The following FBXO36 variants were observed in gnomAD, a reference collection of about 807,000 sequenced individuals.
The protein encoded by FBXO36 is F-box only protein 36.
In FBXO36, 18 loss-of-function variants were observed where a neutral mutation model predicts 17.0. That is an observed-to-expected ratio of 1.06 (90% confidence interval 0.73 to 1.57). FBXO36 has a LOEUF of 1.57. Among genes scored for constraint, FBXO36 ranks in the 40% most tolerant of loss-of-function variants. The pLI is 0.00. For synonymous variants in FBXO36, 83 were observed against 85.3 expected (o/e 0.97, Z 0.15); for missense variants, 229 against 221.9 (o/e 1.03, Z -0.20).
intron 1 of FBXO36, among the ~76,000 whole-genome samples, chr2:229,951,419 T>G (rs1373495756): frequency 6.6e-6 from 1 of 152,052 alleles, no homozygotes; most frequent in African/African-American, 2.4e-5. Context: ...AAGTTTTGTA[T>G]TTTTAGTAGA....
chr2:229,998,265 A>G (rs563275787), intron 3 of FBXO36, among the ~76,000 whole-genome samples: 60 of 152,248 alleles, frequency 3.9e-4, no homozygotes, highest in Non-Finnish European at 7.5e-4. Flanking sequence ...TGAGCCTAGG[A>G]ATTTGAGATC....
In FBXO36 at chr2:229,922,509, C is replaced by G; in HGVS notation, c.-5C>G. Reference sequence around the variant, plus strand: ...TTGTCTTAGCGACGGCGGTGGCGTCCCAAGATGGCGTCGTGGCTGCCGGAG... The same window carrying G: ...TTGTCTTAGCGACGGCGGTGGCGTCGCAAGATGGCGTCGTGGCTGCCGGAG... On this transcript the variant is annotated 5_prime_UTR_variant, in exon 1 of 4. Coordinates refer to ENST00000283946, the MANE Select transcript of FBXO36 (RefSeq NM_174899.5). 2 of 1,613,968 alleles carry G rather than the reference C, an allele frequency of 1.2e-6. No individual in the cohort carries two copies. Among genetic ancestry groups the G allele is most frequent in the Non-Finnish European group, 1.7e-6 (2 of 1,179,950 alleles).
Position 230,010,960 on chromosome 2 carries a change from T to A in FBXO36, c.*76T>A. On this transcript the variant is annotated 3_prime_UTR_variant, in exon 4 of 4. Transcript: ENST00000283946. ...CAGTGTCCAAATCTCTTCTGTCTCC[T>A]TTTCTTAAGAACTAAGAGGTTTTGT... 7.0e-7 allele frequency: 1 copy of A among 1,418,582 alleles called. No individual in the cohort carries two copies. The highest frequency in any genetic ancestry group is 1.4e-5 in the African/African-American group (1 of 69,474). The allele number at this position is 1,418,582 out of a possible 1,614,324, so 87.9% of individuals were successfully genotyped here.
rs755336934 is a variant in FBXO36 at position 229,996,822 on chromosome 2, T to A, written c.277T>A (p.Phe93Ile). The A allele has an allele frequency of 6.2e-7, 1 of 1,614,024 alleles. No homozygotes were observed. The highest frequency in any genetic ancestry group is 1.1e-5 in the South Asian group (1 of 91,060). The change falls in exon 3 of 4, where the codon TTC (phenylalanine) becomes ATC (isoleucine). Residue 93 changes from phenylalanine (F) to isoleucine (I), a missense_variant. Coordinates refer to ENST00000283946, the MANE Select transcript of FBXO36 (RefSeq NM_174899.5). ...VINLCKGKFD[F>I]LERLSDDLLL... ...CAATTTGTGCAAAGGTAAATTTGAC[T>A]TCCTTGAACGGCTCTCAGACGATTT...
intron 1 of FBXO36, among the ~76,000 whole-genome samples, chr2:229,966,298 G>C (rs2077152450): frequency 6.6e-6 from 1 of 152,126 alleles, no homozygotes; most frequent in Non-Finnish European, 1.5e-5. Context: ...CAGATGAGTA[G>C]ATTGCAAAAA....
In FBXO36 at chr2:230,011,598, C is replaced by CTTTTTTTTTTTTTTTTTT. The variant is rs5839351; in HGVS notation, c.*731_*732insTTTTTTTTTTTTTTTTTT. ...AACCTATAAACATTTCTTTTCTTTT[C>CTTTTTTTTTTTTTTTTTT]TTTTTTTTTTTTTTTTTGTATTTTC... On this transcript the variant is annotated 3_prime_UTR_variant, in exon 4 of 4. Coordinates refer to ENST00000283946, the MANE Select transcript of FBXO36 (RefSeq NM_174899.5). The CTTTTTTTTTTTTTTTTTT allele has an allele frequency of 7.1e-4, 88 of 123,404 alleles. No individual in the cohort carries two copies. The highest frequency in any genetic ancestry group is 1.2e-3 in the African/African-American group (40 of 32,222). The allele number at this position is 123,404 out of a possible 1,614,324, so 7.6% of individuals were successfully genotyped here. A position where few individuals can be genotyped will look rare whatever the true frequency, so the allele number is the denominator to read the frequency against.
intron 1 of FBXO36, among the ~76,000 whole-genome samples, chr2:229,974,429 G>A (rs2077197133): frequency 6.6e-6 from 1 of 152,176 alleles, no homozygotes. Flanking sequence ...GGCCATTGTG[G>A]CAAGCACTGC....
chr2:229,997,559 C>A (rs1211123888), intron 3 of FBXO36, among the ~76,000 whole-genome samples: 2 of 145,856 alleles, frequency 1.4e-5, no homozygotes, highest in East Asian at 4.0e-4. Context: ...GCCTGGGTGA[C>A]AGAGCGAGAC....
rs1221151067 is a variant in FBXO36, at chr2:229,976,507, G to A, written c.205+158G>A. 5 of 589,410 alleles carry A rather than the reference G, an allele frequency of 8.5e-6. No homozygotes were observed. In the African/African-American group the frequency reaches 9.5e-5, roughly 11 times the overall value. 36.5% of individuals were successfully genotyped at this position (589,410 alleles called of 1,614,324 possible). A position where few individuals can be genotyped will look rare whatever the true frequency, so the allele number is the denominator to read the frequency against. On this transcript the variant is annotated intron_variant, in intron 2 of 3. Coordinates refer to ENST00000283946, the MANE Select transcript of FBXO36 (RefSeq NM_174899.5). ...GATTCTTAAAAACTAGAAAACTGTTGTTTTTTTCTCTTGGAAAACATATTA... is the reference window on the plus strand; with the variant it reads ...GATTCTTAAAAACTAGAAAACTGTTATTTTTTTCTCTTGGAAAACATATTA...
chr2:230,010,602 G>A, intron 3 of FBXO36, 94 bp from the exon 4 acceptor site: 2 of 1,154,012 alleles, frequency 1.7e-6, no homozygotes, highest in Middle Eastern at 4.1e-4. Context: ...TCTGGCACAG[G>A]TAGTGTTTCT....
intron 1 of FBXO36, among the ~76,000 whole-genome samples, chr2:229,955,052 C>T (rs537668938): frequency 1.3e-5 from 2 of 152,052 alleles, no homozygotes; most frequent in African/African-American, 4.8e-5. Context: ...GGGTTTCACC[C>T]TGTTGGTCAG....
At chr2:230,000,428 C>A (rs1364822128) in intron 3 of FBXO36, among the ~76,000 whole-genome samples, 2 of 150,006 alleles carry the variant, frequency 1.3e-5, no homozygotes, top group Non-Finnish European at 3.0e-5. Context: ...GAGAATTCTA[C>A]GTAAATAAAA....
intron 3 of FBXO36, among the ~76,000 whole-genome samples, chr2:229,997,502 C>T (rs1271921212): frequency 1.3e-5 from 2 of 150,190 alleles, no homozygotes; most frequent in African/African-American, 2.5e-5. Context: ...CACTTGAACC[C>T]GGGAGGTGGA....
chr2:229,927,085 C>G (rs2076916832), intron 1 of FBXO36, among the ~76,000 whole-genome samples: 1 of 152,154 alleles, frequency 6.6e-6, no homozygotes, highest in African/African-American at 2.4e-5. Flanking sequence ...ATCTTGAACT[C>G]CTGGCCTCAA....
intron 1 of FBXO36, among the ~76,000 whole-genome samples, chr2:229,955,457 C>T (rs902973273): frequency 1.3e-5 from 2 of 151,224 alleles, no homozygotes; most frequent in Non-Finnish European, 2.9e-5. Context: ...TCAAGGCTGG[C>T]GTGAGCTCTG....
intron 1 of FBXO36, among the ~76,000 whole-genome samples, chr2:229,962,943 C>G (rs992993206): frequency 6.6e-6 from 1 of 152,174 alleles, no homozygotes; most frequent in African/African-American, 2.4e-5. Context: ...TCCCAAAGTG[C>G]TGGGTTTACA....
At position 229,984,944 on chromosome 2, in the gene FBXO36, T is replaced by A. The variant is rs1560450481; in HGVS notation, c.205+8595T>A. 2.0e-5 allele frequency among the ~76,000 whole-genome samples: 3 copies of A among 152,162 alleles called. No homozygotes were observed. In the South Asian group the frequency reaches 6.2e-4, roughly 31 times the overall value. ...GTAATATGGATTCCTACAGGGGGAA[T>A]TGCTATATCCAAAGAGATATACCTT... On this transcript the variant is annotated intron_variant, in intron 2 of 3. Transcript: ENST00000283946.
At chr2:229,926,875 T>C (rs1020223468) in intron 1 of FBXO36, among the ~76,000 whole-genome samples, 2 of 152,178 alleles carry the variant, frequency 1.3e-5, no homozygotes, top group Non-Finnish European at 2.9e-5. Context: ...TTTTTTGTTT[T>C]TGCAACAAGA....
chr2:229,986,685 C>T (rs1560451002), intron 2 of FBXO36, among the ~76,000 whole-genome samples: 1 of 151,568 alleles, frequency 6.6e-6, no homozygotes, highest in Non-Finnish European at 1.5e-5. Context: ...CAGGCACCCA[C>T]CACCATGCCC....
Sources: allele counts gnomAD v4.1 joint callset (sites outside exome capture counted in the v4.1 genomes callset), GRCh38; gene constraint gnomAD v4.1.1; transcripts MANE v1.5; gene names NCBI Gene and HGNC (gene_info 2026-07-23, HGNC 2026-07-21).